The following ATP2C2 variants were observed in gnomAD, a reference collection of about 807,000 sequenced individuals.
ATP2C2 encodes the protein ATPase secretory pathway Ca2+ transporting 2.
Under a neutral mutation model 110.8 loss-of-function variants are expected in ATP2C2, and 171 were observed. The observed-to-expected ratio is 1.54, with a 90% CI of 1.36 to 1.75. The LOEUF is 1.75. Ranked by LOEUF, ATP2C2 falls within the 40% of genes most tolerant of loss-of-function variation. The probability of loss-of-function intolerance (pLI) is 0.00; values close to 1 mark genes in which losing one functional copy is unlikely to be tolerated. For synonymous variants in ATP2C2, 804 were observed against 508.4 expected (o/e 1.58, Z -7.82); for missense variants, 1,963 against 1,235.0 (o/e 1.59, Z -8.84).
chr16:84,459,057 G>T, intron 21 of ATP2C2, 63 bp from the exon 22 acceptor site: 1 of 1,571,230 alleles, frequency 6.4e-7, no homozygotes, highest in Non-Finnish European at 8.8e-7. Flanking sequence ...TGCAGCAACC[G>T]ATGCACTGGT....
chr16:84,388,782 TTGTTTTTTGAG>T (rs1234543161), intron 1 of ATP2C2, among the ~76,000 whole-genome samples: 1 of 152,206 alleles, frequency 6.6e-6, no homozygotes, highest in East Asian at 1.9e-4. Flanking sequence ...ATTTCTGTTT[TTGTTTTTTGAG>T]ATGGAGTCTC....
At chr16:84,394,010 AT>A (rs67225761) in intron 1 of ATP2C2, among the ~76,000 whole-genome samples, 32,437 of 139,126 alleles carry the variant, frequency 0.23, 4,215 homozygotes, top group South Asian at 0.31. Context: ...ACCAAAAAAA[AT>A]AAAAAAATAA....
At chr16:84,454,553 G>A (rs1910609704) in intron 20 of ATP2C2, among the ~76,000 whole-genome samples, 1 of 152,190 alleles carries the variant, frequency 6.6e-6, no homozygotes, top group Non-Finnish European at 1.5e-5. Context: ...ACCGTGCTGG[G>A]CACCGTCACA....
rs1909374398 is a variant in ATP2C2 at position 84,442,607 on chromosome 16, G to C, written c.1401+8G>C. On this transcript the variant is annotated splice_region_variant and intron_variant, in intron 15 of 26. Coordinates refer to ENST00000262429, the MANE Select transcript of ATP2C2 (RefSeq NM_014861.4). The stretch of plus-strand genomic sequence containing the variant: ...ATGGCCCTGGCGATGAAGGTAGGAG[G>C]TCCTGGGGTGGCTCTGCGGGGAATT... 1.2e-5 allele frequency: 20 copies of C among 1,613,280 alleles called. No homozygotes were observed. Among genetic ancestry groups the C allele is most frequent in the Non-Finnish European group, 1.7e-5 (20 of 1,179,476 alleles).
rs550490854 is a variant in ATP2C2, at chr16:84,453,447, G to C, written c.1980+76G>C. 1.8e-5 allele frequency: 29 copies of C among 1,579,686 alleles called. 1 individual carries two copies. The Middle Eastern group carries it at 1.5e-3, about 82-fold the overall frequency. Reference sequence around the variant, plus strand: ...ACACTGTGGCTCGAGGAGCTCATGCGTCCGTCGGGTGACAGTGCAGGGCCC... The same window carrying C: ...ACACTGTGGCTCGAGGAGCTCATGCCTCCGTCGGGTGACAGTGCAGGGCCC... On this transcript the variant is annotated intron_variant, in intron 20 of 26. Coordinates refer to ENST00000262429, the MANE Select transcript of ATP2C2 (RefSeq NM_014861.4).
chr16:84,371,467 T>G (rs1055577145), intron 1 of ATP2C2, among the ~76,000 whole-genome samples: 1 of 152,224 alleles, frequency 6.6e-6, no homozygotes, highest in African/African-American at 2.4e-5. Flanking sequence ...ATCATGCCAC[T>G]GTGCTCCAGC....
At chr16:84,444,000 C>G (rs909188641) in intron 15 of ATP2C2, among the ~76,000 whole-genome samples, 3 of 151,958 alleles carry the variant, frequency 2.0e-5, no homozygotes, top group African/African-American at 7.3e-5. Flanking sequence ...AAACCCATCT[C>G]TACAAAAAAT....
intron 4 of ATP2C2, among the ~76,000 whole-genome samples, chr16:84,409,430 C>T (rs1906072571): frequency 6.6e-6 from 1 of 152,096 alleles, no homozygotes; most frequent in Non-Finnish European, 1.5e-5. Flanking sequence ...GCACATGTAC[C>T]CTAGAACTTA....
chr16:84,461,672 T>C, intron 24 of ATP2C2, 42 bp from the exon 25 acceptor site: 1 of 1,569,794 alleles, frequency 6.4e-7, no homozygotes, highest in Non-Finnish European at 8.8e-7. Flanking sequence ...ATGGAGGTTG[T>C]CTCTTCCCGC....
chr16:84,408,644 C>G (rs1905999915), intron 4 of ATP2C2, 150 bp downstream of exon 4: 1 of 637,174 alleles, frequency 1.6e-6, no homozygotes, highest in African/African-American at 1.8e-5. Flanking sequence ...AATCCACATC[C>G]TTCTTTACCC....
In ATP2C2 at chr16:84,421,373, C is replaced by T. The variant is rs138575116; in HGVS notation, c.625-1017C>T. Among the ~76,000 whole-genome samples the T allele has an allele frequency of 4.7e-3, 722 of 152,310 alleles. 7 individuals are homozygous for T. The highest frequency in any genetic ancestry group is 0.016 in the African/African-American group (678 of 41,548). On this transcript the variant is annotated intron_variant, in intron 7 of 26. Coordinates refer to ENST00000262429, the MANE Select transcript of ATP2C2 (RefSeq NM_014861.4). Reference sequence around the variant, plus strand: ...ACTGTCGTTCTTGGGGACTGAGATGCTATGGCAGTGCACATATTTTTAAAA... The same window carrying T: ...ACTGTCGTTCTTGGGGACTGAGATGTTATGGCAGTGCACATATTTTTAAAA...
At chr16:84,383,735 C>CTGTGTGTGTGTGTGTGTGTGTG (rs143797673) in intron 1 of ATP2C2, among the ~76,000 whole-genome samples, 1,605 of 137,602 alleles carry the variant, frequency 0.012, 43 homozygotes, top group Middle Eastern at 0.023. Flanking sequence ...CTGAATACAT[C>CTGTGTGTGTGTGTGTGTGTGTG]TGTGTGTGTG....
intron 15 of ATP2C2, among the ~76,000 whole-genome samples, chr16:84,445,136 G>T (rs949338015): frequency 1.8e-4 from 27 of 151,926 alleles, no homozygotes; most frequent in African/African-American, 6.0e-4. Context: ...ACGCATCCCT[G>T]CCTTGGTCTC....
At chr16:84,436,275 T>C (rs1264454166) in intron 11 of ATP2C2, among the ~76,000 whole-genome samples, 3 of 152,228 alleles carry the variant, frequency 2.0e-5, no homozygotes, top group Non-Finnish European at 4.4e-5. Context: ...CTTGGGAGCA[T>C]GGGAGGCCCG....
chr16:84,424,622 C>T (rs1291874436), intron 10 of ATP2C2, among the ~76,000 whole-genome samples: 2 of 135,414 alleles, frequency 1.5e-5, no homozygotes, highest in African/African-American at 5.9e-5. Context: ...ACTGCTCTAG[C>T]AGATGGAGAG....
chr16:84,400,109 A>G (rs1335884550), intron 2 of ATP2C2, among the ~76,000 whole-genome samples: 2 of 152,048 alleles, frequency 1.3e-5, no homozygotes, highest in South Asian at 2.1e-4. Flanking sequence ...ATTCTTTTTT[A>G]TGGGTGCATA....
At chr16:84,427,433 C>G (rs547790895) in intron 11 of ATP2C2, among the ~76,000 whole-genome samples, 15 of 152,074 alleles carry the variant, frequency 9.9e-5, no homozygotes, top group Non-Finnish European at 1.3e-4. Flanking sequence ...AAATAGGTCA[C>G]TCGGCCAGGC....
rs1905128761 is a variant in ATP2C2, at chr16:84,398,550, G to A, written c.151G>A (p.Ala51Thr). 1 of 1,613,700 alleles carries A rather than the reference G, an allele frequency of 6.2e-7. No homozygotes were observed. Among genetic ancestry groups the A allele is most frequent in the Admixed American group, 1.7e-5 (1 of 59,924 alleles). ...KAIEKEKKVTALPPKEACKCQ... is the reference protein window; with the variant it reads ...KAIEKEKKVTTLPPKEACKCQ... ...CATCGAGAAAGAGAAGAAGGTGACA[G>A]CCCTGCCCCCCAAGGAAGCGTGCAA... Residue 51 changes from alanine to threonine, a missense_variant, in exon 2 of 27, where the codon GCC becomes ACC. Transcript: ENST00000262429.
At chr16:84,461,068 G>A (rs1911279697) in intron 24 of ATP2C2, 3 of 446,090 alleles carry the variant, frequency 6.7e-6, no homozygotes, top group Non-Finnish European at 1.2e-5. Flanking sequence ...GAGTTGAAAT[G>A]TACATGAGGA....
Sources: gnomAD v4.1 joint callset for allele counts (sites outside exome capture counted in the v4.1 genomes callset) on GRCh38, gnomAD v4.1.1 for gene constraint, MANE v1.5 for transcripts, NCBI Gene and HGNC (gene_info 2026-07-23, HGNC 2026-07-21) for gene names.